ATE1: variants seen among roughly 807,000 people sequenced by gnomAD.
The protein encoded by ATE1 is arginyltransferase 1.
In ATE1, 36 loss-of-function variants were observed where a neutral mutation model predicts 70.5. The ratio of observed to expected loss-of-function variants is 0.51; its 90% CI spans 0.39 to 0.67. The LOEUF (loss-of-function observed/expected upper bound fraction) is 0.67. ATE1 is among the 30% of genes least tolerant of loss of function. The probability of loss-of-function intolerance (pLI) is 0.00; values close to 1 mark genes in which losing one functional copy is unlikely to be tolerated. For synonymous variants in ATE1, 232 were observed against 219.3 expected, an observed-to-expected ratio of 1.06 and a Z score of -0.51; for missense variants, 593 against 629.5, an observed-to-expected ratio of 0.94 and a Z score of 0.62.
chr10:121,902,374 A>C lies in ATE1; in HGVS notation c.813+17T>G, dbSNP rs1315488116. 1 of 1,593,466 alleles carries C rather than the reference A, an allele frequency of 6.3e-7. No individual in the cohort carries two copies. Among genetic ancestry groups the C allele is most frequent in the African/African-American group, 1.3e-5 (1 of 74,108 alleles). On this transcript the variant is annotated intron_variant, in intron 6 of 11. Coordinates refer to ENST00000224652, the MANE Select transcript of ATE1 (RefSeq NM_001001976.3). Reference sequence around the variant, plus strand: ...AAAAATCATAATAAAACAAACAACAAAAGTCCTCCAAAGTACCTCTAACTT... The same window carrying C: ...AAAAATCATAATAAAACAAACAACACAAGTCCTCCAAAGTACCTCTAACTT...
chr10:121,790,870 A>C (rs768447644), intron 10 of ATE1, among the ~76,000 whole-genome samples: 8 of 152,006 alleles, frequency 5.3e-5, no homozygotes, highest in Non-Finnish European at 7.4e-5. Context: ...AGTTTCAGGG[A>C]AACATCTGAT....
At chr10:121,808,572 G>A (rs996381384) in intron 10 of ATE1, among the ~76,000 whole-genome samples, 2 of 152,140 alleles carry the variant, frequency 1.3e-5, no homozygotes, top group Admixed American at 6.5e-5. Flanking sequence ...TAAACTATCC[G>A]GCAATATCCA....
chr10:121,786,818 C>T (rs1277610958), intron 11 of ATE1, among the ~76,000 whole-genome samples: 2 of 151,834 alleles, frequency 1.3e-5, no homozygotes, highest in African/African-American at 2.4e-5. Flanking sequence ...AGAATATTCT[C>T]GTTTAGGTTT....
chr10:121,773,469 T>A (rs1259282189), intron 11 of ATE1, among the ~76,000 whole-genome samples: 1 of 152,194 alleles, frequency 6.6e-6, no homozygotes, highest in Non-Finnish European at 1.5e-5. Context: ...GTGTCTCCTA[T>A]CAGTTCTAAC....
chr10:121,898,187 A>G (rs1023382055), intron 7 of ATE1, among the ~76,000 whole-genome samples: 1 of 152,192 alleles, frequency 6.6e-6, no homozygotes, highest in African/African-American at 2.4e-5. Flanking sequence ...CGCCCGTTAA[A>G]CCATATTATA....
At chr10:121,777,841 A>T (rs1032560836) in intron 11 of ATE1, among the ~76,000 whole-genome samples, 2 of 152,214 alleles carry the variant, frequency 1.3e-5, no homozygotes, top group Admixed American at 1.3e-4. Flanking sequence ...TTGTCAGATA[A>T]TTAAGAGGGA....
intron 7 of ATE1, among the ~76,000 whole-genome samples, chr10:121,873,886 AT>A (rs34359913): frequency 1.5e-4 from 22 of 151,374 alleles, no homozygotes; most frequent in Non-Finnish European, 2.2e-4. Context: ...GATAAATAAC[AT>A]TTTTTTTTCC....
At chr10:121,916,820 A>G (rs11200256) in intron 3 of ATE1, among the ~76,000 whole-genome samples, 19,871 of 150,704 alleles carry the variant, frequency 0.13, 1,513 homozygotes, top group East Asian at 0.19. Context: ...GGGCAACAAA[A>G]CGAGACTCCG....
chr10:121,910,763 G>A lies in ATE1; in HGVS notation c.583+143C>T. On this transcript the variant is annotated intron_variant, in intron 5 of 11. Transcript: ENST00000224652. ...GGCATGATTTGTCCATCTAATTCTA[G>A]GCAATAATAAACAAAGCAGGGTTCT... 5.6e-6 allele frequency: 6 copies of A among 1,070,838 alleles called. No homozygotes were observed. The South Asian group carries it at 5.6e-5, about 10-fold the overall frequency. 66.3% of individuals were successfully genotyped at this position (1,070,838 alleles called of 1,614,324 possible).
At chr10:121,863,569 AT>A (rs1450839698) in intron 8 of ATE1, among the ~76,000 whole-genome samples, 3 of 152,082 alleles carry the variant, frequency 2.0e-5, no homozygotes, top group Non-Finnish European at 1.5e-5. Context: ...GTCTACTTTG[AT>A]AAGAATACAG....
rs886997056 is a variant in ATE1, at chr10:121,741,158, A to C, written c.*2522T>G. ...TGTCTTTCTTTACAGAAAGTTACGA[A>C]CATAAAATCAGATCTCTCAGCTAGA... On this transcript the variant is annotated 3_prime_UTR_variant, in exon 12 of 12. Coordinates refer to ENST00000224652, the MANE Select transcript of ATE1 (RefSeq NM_001001976.3). 60 of 152,334 alleles carry C rather than the reference A, an allele frequency of 3.9e-4. No homozygotes were observed. Among genetic ancestry groups the C allele is most frequent in the African/African-American group, 1.4e-3 (57 of 41,582 alleles). The allele number at this position is 152,334 out of a possible 1,614,324, so 9.4% of individuals were successfully genotyped here.
chr10:121,906,454 AGG>A (rs959744606), intron 5 of ATE1, among the ~76,000 whole-genome samples: 1 of 152,064 alleles, frequency 6.6e-6, no homozygotes, highest in Non-Finnish European at 1.5e-5. Context: ...GCTTGAGCTT[AGG>A]AAGTCAAGGC....
chr10:121,759,370 C>A (rs373296676), intron 11 of ATE1, among the ~76,000 whole-genome samples: 1 of 152,072 alleles, frequency 6.6e-6, no homozygotes, highest in African/African-American at 2.4e-5. Flanking sequence ...GAAGAAAAGG[C>A]GGAAGCTAGG....
At chr10:121,866,000 T>C (rs1427600095) in intron 8 of ATE1, among the ~76,000 whole-genome samples, 5 of 152,244 alleles carry the variant, frequency 3.3e-5, no homozygotes, top group African/African-American at 9.6e-5. Context: ...TTACTGTCTC[T>C]GCCAGAATAA....
At chr10:121,871,916 G>C (rs371699877) in intron 7 of ATE1, among the ~76,000 whole-genome samples, 5 of 152,104 alleles carry the variant, frequency 3.3e-5, no homozygotes, top group African/African-American at 1.2e-4. Flanking sequence ...AATTTAAAAT[G>C]CAAGCTTTGT....
At chr10:121,922,289 T>C (rs1951911971) in intron 3 of ATE1, 60 bp downstream of exon 3, 2 of 1,233,962 alleles carry the variant, frequency 1.6e-6, no homozygotes, top group South Asian at 1.3e-5. Context: ...AAGAGACTAC[T>C]AAAATATTAT....
At chr10:121,766,275 C>T (rs927610764) in intron 11 of ATE1, among the ~76,000 whole-genome samples, 1 of 152,094 alleles carries the variant, frequency 6.6e-6, no homozygotes, top group Non-Finnish European at 1.5e-5. Context: ...TGGAGTCAGA[C>T]GTGCACAGCT....
chr10:121,926,859 G>A, intron 1 of ATE1: 1 of 985,066 alleles, frequency 1.0e-6, no homozygotes, highest in Non-Finnish European at 1.2e-6. Flanking sequence ...TTTCCATTTA[G>A]TCTTCATAAT....
At chr10:121,783,374 C>T (rs1946075516) in intron 11 of ATE1, among the ~76,000 whole-genome samples, 1 of 152,008 alleles carries the variant, frequency 6.6e-6, no homozygotes, top group Non-Finnish European at 1.5e-5. Context: ...AAAATAGAAA[C>T]AACAAGTCAC....
Sources: gnomAD v4.1 joint callset for allele counts (sites outside exome capture counted in the v4.1 genomes callset) on GRCh38, gnomAD v4.1.1 for gene constraint, MANE v1.5 for transcripts, NCBI Gene and HGNC (gene_info 2026-07-23, HGNC 2026-07-21) for gene names.